C13orf42: variants seen among roughly 807,000 people sequenced by gnomAD.
C13orf42 encodes the protein chromosome 13 open reading frame 42.
chr13:51,168,986 G>C (rs1953923900), intron 1 of C13orf42, among the ~76,000 whole-genome samples: 1 of 152,190 alleles, frequency 6.6e-6, no homozygotes, highest in South Asian at 2.1e-4. Flanking sequence ...CTGTGGAACT[G>C]TGAGCCAATT....
At chr13:51,133,892 G>A (rs953360653) in intron 1 of C13orf42, among the ~76,000 whole-genome samples, 9 of 152,240 alleles carry the variant, frequency 5.9e-5, no homozygotes, top group Middle Eastern at 3.4e-3. Context: ...TTTTACAAAC[G>A]ACAGAAGCTA....
intron 1 of C13orf42, among the ~76,000 whole-genome samples, chr13:51,102,894 A>G (rs767261132): frequency 7.9e-5 from 12 of 152,194 alleles, no homozygotes; most frequent in African/African-American, 1.2e-4. Flanking sequence ...AGAGCAAGCG[A>G]GAGAGGAAGT....
intron 1 of C13orf42, among the ~76,000 whole-genome samples, chr13:51,139,557 G>T (rs770340843): frequency 6.6e-6 from 1 of 152,120 alleles, no homozygotes; most frequent in Non-Finnish European, 1.5e-5. Flanking sequence ...GAGATAGGAG[G>T]TTGGCACAAG....
chr13:51,130,590 A>G (rs1280013283), intron 1 of C13orf42, among the ~76,000 whole-genome samples: 1 of 152,194 alleles, frequency 6.6e-6, no homozygotes, highest in Non-Finnish European at 1.5e-5. Flanking sequence ...AAATGCTTCA[A>G]AAAAACACCA....
intron 1 of C13orf42, among the ~76,000 whole-genome samples, chr13:51,106,434 CA>C (rs895736118): frequency 5.9e-5 from 9 of 152,152 alleles, no homozygotes; most frequent in African/African-American, 9.7e-5. Flanking sequence ...TATACAATAT[CA>C]AAACATGTTT....
chr13:51,168,790 C>T (rs1953921223), intron 1 of C13orf42, among the ~76,000 whole-genome samples: 1 of 152,138 alleles, frequency 6.6e-6, no homozygotes, highest in Non-Finnish European at 1.5e-5. Flanking sequence ...GGCAGACTTT[C>T]CCCTTGCTGT....
chr13:51,114,651 T>C (rs4942952), upstream of C13orf42, among the ~76,000 whole-genome samples: 237 of 142,482 alleles, frequency 1.7e-3, no homozygotes, highest in African/African-American at 4.6e-3. Context: ...TAGATAGAGA[T>C]AGACAGACAG....
intron 1 of C13orf42, among the ~76,000 whole-genome samples, chr13:51,120,117 G>A (rs1227632535): frequency 6.6e-6 from 1 of 152,132 alleles, no homozygotes; most frequent in Non-Finnish European, 1.5e-5. Context: ...TAATGTAAAT[G>A]GTTTCATCTG....
intron 1 of C13orf42, among the ~76,000 whole-genome samples, chr13:51,155,581 C>T (rs1953818293): frequency 6.6e-6 from 1 of 152,160 alleles, no homozygotes; most frequent in African/African-American, 2.4e-5. Context: ...TCAGAGTGAC[C>T]CACCTCTCTC....
chr13:51,145,481 T>C (rs1263320699), intron 1 of C13orf42, among the ~76,000 whole-genome samples: 2 of 152,210 alleles, frequency 1.3e-5, no homozygotes, highest in African/African-American at 2.4e-5. Context: ...AGAGATCAGA[T>C]GAAACCTGAG....
intron 1 of C13orf42, among the ~76,000 whole-genome samples, chr13:51,153,053 G>A (rs924040118): frequency 6.6e-6 from 1 of 152,194 alleles, no homozygotes; most frequent in Non-Finnish European, 1.5e-5. Context: ...AGAAGGGATT[G>A]AGGTTTAGTG....
chr13:51,085,196 T>C (rs1953108696), intron 3 of C13orf42, 123 bp downstream of exon 3: 1 of 229,758 alleles, frequency 4.4e-6, no homozygotes, highest in Non-Finnish European at 8.1e-6. Context: ...TATATATATA[T>C]ATATATATAT....
intron 3 of C13orf42, among the ~76,000 whole-genome samples, chr13:51,084,607 A>T (rs1048278207): frequency 5.3e-5 from 8 of 152,240 alleles, no homozygotes; most frequent in African/African-American, 1.9e-4. Flanking sequence ...CTATCTAGAA[A>T]GCCCCTAAAT....
At chr13:51,158,241 T>C (rs982763753) in intron 1 of C13orf42, among the ~76,000 whole-genome samples, 4 of 152,212 alleles carry the variant, frequency 2.6e-5, no homozygotes, top group African/African-American at 9.6e-5. Flanking sequence ...TCAGCCACTA[T>C]GCTATGCATG....
At chr13:51,153,629 T>TTTTTTTTTTTTTG (rs1953800841) in intron 1 of C13orf42, among the ~76,000 whole-genome samples, 17 of 138,138 alleles carry the variant, frequency 1.2e-4, no homozygotes, top group African/African-American at 4.8e-4. Flanking sequence ...CTGTTTTTTT[T>TTTTTTTTTTTTTG]CTTTTTTTTT....
intron 1 of C13orf42, among the ~76,000 whole-genome samples, chr13:51,124,035 C>T (rs1044071088): frequency 2.6e-5 from 4 of 152,206 alleles, no homozygotes; most frequent in African/African-American, 7.2e-5. Flanking sequence ...CCCACTTACT[C>T]TTGAAGGTAA....
chr13:51,136,638 A>G (rs776094776), intron 1 of C13orf42, among the ~76,000 whole-genome samples: 2 of 152,140 alleles, frequency 1.3e-5, no homozygotes, highest in Non-Finnish European at 2.9e-5. Flanking sequence ...GGCATCCTGG[A>G]GTTTGGAATC....
chr13:51,115,196 G>A (rs1016316129), upstream of C13orf42, among the ~76,000 whole-genome samples: 14 of 152,200 alleles, frequency 9.2e-5, no homozygotes, highest in African/African-American at 3.1e-4. Flanking sequence ...TATAATTCAA[G>A]GGGCCTTTCA....
intron 1 of C13orf42, among the ~76,000 whole-genome samples, chr13:51,139,223 G>A (rs944871888): frequency 3.3e-5 from 5 of 152,138 alleles, no homozygotes; most frequent in Admixed American, 1.3e-4. Context: ...GCTGAGGCAG[G>A]AGAATTGCTT....
Sources: allele counts gnomAD v4.1 joint callset (sites outside exome capture counted in the v4.1 genomes callset), GRCh38; gene constraint gnomAD v4.1.1; transcripts MANE v1.5; gene names NCBI Gene and HGNC (gene_info 2026-07-23, HGNC 2026-07-21).